The following KATNB1 variants were observed in gnomAD, a reference collection of about 807,000 sequenced individuals.
The protein encoded by KATNB1 is katanin regulatory subunit B1, also known as katanin p80 WD40 repeat-containing subunit B1.
Under a neutral mutation model 82.3 loss-of-function variants are expected in KATNB1, and 38 were observed. The ratio of observed to expected loss-of-function variants is 0.46; its 90% CI spans 0.36 to 0.61. KATNB1 has a LOEUF of 0.61. Among genes scored for constraint, KATNB1 ranks in the 20% least tolerant of loss-of-function variants. The pLI, the probability that KATNB1 is intolerant of heterozygous loss-of-function variation, is 0.00. For synonymous variants in KATNB1, 361 were observed against 368.7 expected, an observed-to-expected ratio of 0.98 and a Z score of 0.24; for missense variants, 749 against 915.7, an observed-to-expected ratio of 0.82 and a Z score of 2.35.
At position 57,756,549 on chromosome 16, in the gene KATNB1, C is replaced by T. The variant is rs1339448527; in HGVS notation, c.1835+77C>T. On this transcript the variant is annotated intron_variant, in intron 19 of 19. Transcript: ENST00000379661. ...CAAAGGCCTGGAGGCCTGGGCCCCT[C>T]TTACTGACAGTCCTGCTGGGACAGA... is the stretch of plus-strand genomic sequence containing the variant. 5.2e-6 allele frequency: 7 copies of T among 1,346,606 alleles called. No individual in the cohort carries two copies. In the African/African-American group the frequency reaches 1.0e-4, roughly 19 times the overall value. The allele number at this position is 1,346,606 out of a possible 1,614,324, so 83.4% of individuals were successfully genotyped here.
intron 9 of KATNB1, 42 bp from the exon 10 acceptor site, chr16:57,752,736 C>T (rs1231403069): frequency 2.5e-6 from 4 of 1,596,144 alleles, no homozygotes; most frequent in Non-Finnish European, 3.4e-6. Context: ...GGGGACCAGG[C>T]TGGGTGCCAC....
intron 18 of KATNB1, 48 bp downstream of exon 18, chr16:57,756,114 G>T (rs977362479): frequency 5.7e-6 from 9 of 1,579,916 alleles, no homozygotes; most frequent in Middle Eastern, 3.3e-4. Context: ...GAGGGGAGAG[G>T]TAAGAAGCCT....
intron 12 of KATNB1, 30 bp from the exon 13 acceptor site, chr16:57,753,915 C>T (rs781884393): frequency 7.4e-6 from 12 of 1,612,320 alleles, no homozygotes; most frequent in Non-Finnish European, 9.3e-6. Context: ...GCCAGGAGCG[C>T]TCACAGCCAG....
At chr16:57,744,360 G>T in intron 3 of KATNB1, 34 bp from the exon 4 acceptor site, 1 of 1,556,542 alleles carries the variant, frequency 6.4e-7, no homozygotes. Context: ...GGTCTGTCCA[G>T]CAGTGCACGG....
At chr16:57,746,546 T>C (rs2049185518) in intron 4 of KATNB1, among the ~76,000 whole-genome samples, 1 of 152,220 alleles carries the variant, frequency 6.6e-6, no homozygotes, top group Non-Finnish European at 1.5e-5. Context: ...CGCCCACTGC[T>C]CCTGTGCTGT....
chr16:57,737,887 T>G (rs1349892994), intron 2 of KATNB1, among the ~76,000 whole-genome samples: 2 of 152,218 alleles, frequency 1.3e-5, no homozygotes, highest in East Asian at 3.8e-4. Flanking sequence ...TGGAGTTATA[T>G]ATCTGTCAGT....
In KATNB1 at chr16:57,751,658, G is replaced by A; in HGVS notation, c.450G>A (p.Val150=). ...VFRYRGHSQA[V]RCLRFSPDGK... is the part of the protein sequence containing the mutation. ...TCCCTCAGGGGCACAGCCAGGCCGT[G>A]CGGTGTCTCCGGTTCAGCCCCGATG... Residue 150 remains valine, a synonymous_variant, in exon 7 of 20, where the codon GTG becomes GTA. Coordinates refer to ENST00000379661, the MANE Select transcript of KATNB1 (RefSeq NM_005886.3). The surrounding 1 kb of genome is among the most constrained non-coding windows in gnomAD (Gnocchi z 6.3). 3 of 1,611,426 alleles carry A rather than the reference G, an allele frequency of 1.9e-6. No homozygotes were observed. The highest frequency in any genetic ancestry group is 2.5e-6 in the Non-Finnish European group (3 of 1,180,004).
chr16:57,738,027 C>T (rs577580787), intron 2 of KATNB1, among the ~76,000 whole-genome samples: 1 of 152,266 alleles, frequency 6.6e-6, no homozygotes, highest in Admixed American at 6.5e-5. Context: ...AGGCAGATGC[C>T]ATCTTAGTGT....
In KATNB1 at chr16:57,739,928, C is replaced by T. The variant is rs181870260; in HGVS notation, c.41-1759C>T. ...CAGTGAGGTGGGGCCCAGCCAGACA[C>T]TTTCCCTGGGAGGAGTGAGGGCCAG... On this transcript the variant is annotated intron_variant, in intron 2 of 19. Transcript: ENST00000379661. Among the ~76,000 whole-genome samples, 309 of 152,194 alleles carry T rather than the reference C, an allele frequency of 2.0e-3. 9 individuals carry two copies. The South Asian group carries it at 0.037, about 18-fold the overall frequency.
chr16:57,738,332 T>C (rs913182772), intron 2 of KATNB1, among the ~76,000 whole-genome samples: 1 of 151,496 alleles, frequency 6.6e-6, no homozygotes, highest in Non-Finnish European at 1.5e-5. Context: ...CTCAGCTCAC[T>C]GCAACCTCTG....
chr16:57,746,350 C>T (rs2049184000), intron 4 of KATNB1, among the ~76,000 whole-genome samples: 1 of 151,472 alleles, frequency 6.6e-6, no homozygotes, highest in Non-Finnish European at 1.5e-5. Flanking sequence ...CTCTTCCTTC[C>T]TCTCTCTCTC....
At chr16:57,754,810 T>G in intron 13 of KATNB1, 120 bp from the exon 14 acceptor site, 1 of 1,024,206 alleles carries the variant, frequency 9.8e-7, no homozygotes. Flanking sequence ...GCCTGCAGCC[T>G]CCCCCATGCT....
chr16:57,756,028 G>A lies in KATNB1; in HGVS notation c.1680G>A (p.Leu560=), dbSNP rs2049274134. 6.2e-7 allele frequency: 1 copy of A among 1,611,604 alleles called. No individual in the cohort carries two copies. The highest frequency in any genetic ancestry group is 2.2e-5 in the East Asian group (1 of 44,878). ...AGCTGGACCTGTGCACCACCGTCCT[G>A]CCACAGATTGAGAAGCTTCTGCAGA... The part of the protein sequence containing the change: ...LWKLDLCTTV[L]PQIEKLLQSK... Residue 560 remains leucine, a synonymous_variant, in exon 18 of 20, where the codon CTG becomes CTA. Transcript: ENST00000379661.
chr16:57,752,975 C>T (rs1555583964), intron 10 of KATNB1, 47 bp downstream of exon 10: 4 of 1,595,392 alleles, frequency 2.5e-6, no homozygotes, highest in Admixed American at 1.7e-5. Context: ...ACAGGGCCAC[C>T]CGCCTCCCTC....
chr16:57,753,038 C>T (rs376226584), intron 10 of KATNB1, 39 bp from the exon 11 acceptor site: 12 of 1,587,290 alleles, frequency 7.6e-6, no homozygotes, highest in African/African-American at 1.3e-5. Flanking sequence ...TTTGCCCCCT[C>T]GGCTTGCAGT....
chr16:57,754,098 CCT>C (rs1419287158), intron 13 of KATNB1, 103 bp downstream of exon 13: 3 of 967,748 alleles, frequency 3.1e-6, no homozygotes, highest in East Asian at 2.6e-5. Context: ...AGGACCCTCC[CCT>C]CTCAGGACAC....
chr16:57,742,486 C>T (rs782141822), intron 3 of KATNB1, among the ~76,000 whole-genome samples: 5 of 152,232 alleles, frequency 3.3e-5, no homozygotes, highest in Non-Finnish European at 5.9e-5. Context: ...TGTACATGCA[C>T]GTAAGTGCAC....
At position 57,737,128 on chromosome 16, in the gene KATNB1, G is replaced by T; in HGVS notation, c.-116G>T. 2 of 1,284,964 alleles carry T rather than the reference G, an allele frequency of 1.6e-6. No homozygotes were observed. Among genetic ancestry groups the T allele is most frequent in the Non-Finnish European group, 1.1e-6 (1 of 902,340 alleles). 79.6% of individuals were successfully genotyped at this position (1,284,964 alleles called of 1,614,324 possible). A position where few individuals can be genotyped will look rare whatever the true frequency, so the allele number is the denominator to read the frequency against. On this transcript the variant is annotated 5_prime_UTR_variant, in exon 2 of 20. It removes an upstream start codon present in the reference 5' UTR. Transcript: ENST00000379661. The stretch of plus-strand genomic sequence containing the variant: ...GACGAGGCATTCTGTCTGCCTGGAT[G>T]TGTGGGAACTCTCTGCCAACTTGAT...
rs1555585416 is a variant in KATNB1, at chr16:57,755,244, T to C, written c.1416+6T>C. Reference sequence around the variant, plus strand: ...AGGCCTCCGACTTCCTGCCCGTGAGTAGGAGCCCAGCTCGAGGCATGGGTG... The same window carrying C: ...AGGCCTCCGACTTCCTGCCCGTGAGCAGGAGCCCAGCTCGAGGCATGGGTG... On this transcript the variant is annotated splice_donor_region_variant and intron_variant, in intron 15 of 19. Coordinates refer to ENST00000379661, the MANE Select transcript of KATNB1 (RefSeq NM_005886.3). 1.9e-6 allele frequency: 3 copies of C among 1,610,612 alleles called. No homozygotes were observed.
Sources: allele counts gnomAD v4.1 joint callset (sites outside exome capture counted in the v4.1 genomes callset), GRCh38; gene constraint gnomAD v4.1.1; non-coding constraint Gnocchi (gnomAD v3.1); transcripts MANE v1.5; gene names NCBI Gene and HGNC (gene_info 2026-07-23, HGNC 2026-07-21).